The following DBT variants were observed in gnomAD, a reference collection of about 807,000 sequenced individuals.
DBT encodes the protein lipoamide acyltransferase component of branched-chain alpha-keto acid dehydrogenase complex, mitochondrial.
Under a neutral mutation model 51.3 loss-of-function variants are expected in DBT, and 40 were observed. That is an observed-to-expected ratio of 0.78 (90% CI 0.61 to 1.02). DBT has a LOEUF of 1.02. Among genes scored for constraint, DBT ranks in the 50% least tolerant of loss-of-function variants. DBT has a pLI of 0.00. For missense variants in DBT, 510 were observed against 580.2 expected (o/e 0.88, Z 1.24); for synonymous variants, 181 against 190.4 (o/e 0.95, Z 0.41).
intron 3 of DBT, 104 bp from the exon 4 acceptor site, chr1:100,231,018 C>G: frequency 1.3e-6 from 1 of 747,736 alleles, no homozygotes; most frequent in Non-Finnish European, 2.4e-6. Flanking sequence ...TCATCTAGCC[C>G]AGCATTTACT....
intron 4 of DBT, among the ~76,000 whole-genome samples, chr1:100,225,053 A>T (rs1663104510): frequency 1.4e-5 from 1 of 69,218 alleles, no homozygotes; most frequent in African/African-American, 6.9e-5. Flanking sequence ...ATATATATAT[A>T]CACACACACA....
intron 7 of DBT, among the ~76,000 whole-genome samples, chr1:100,214,394 G>A (rs913000875): frequency 1.3e-5 from 2 of 152,088 alleles, no homozygotes; most frequent in South Asian, 2.1e-4. Context: ...CTGATGTTGC[G>A]AAAAGTAATA....
At chr1:100,239,472 G>A (rs1664079896) in intron 2 of DBT, among the ~76,000 whole-genome samples, 2 of 151,896 alleles carry the variant, frequency 1.3e-5, no homozygotes. Context: ...AGTGGAGGAT[G>A]ACATAGAAAA....
chr1:100,238,216 G>A (rs1381035284), intron 2 of DBT, among the ~76,000 whole-genome samples: 3 of 46,954 alleles, frequency 6.4e-5, no homozygotes, highest in East Asian at 2.1e-3. Flanking sequence ...TTCCTCCCTC[G>A]CTTCCTTTCC....
chr1:100,209,728 A>G (rs1023602922), intron 8 of DBT, among the ~76,000 whole-genome samples: 12 of 151,814 alleles, frequency 7.9e-5, no homozygotes, highest in Non-Finnish European at 1.5e-5. Flanking sequence ...CGGCTGGCTA[A>G]TTTTTGTATT....
At chr1:100,244,437 T>C (rs181788069) in intron 1 of DBT, among the ~76,000 whole-genome samples, 2 of 152,300 alleles carry the variant, frequency 1.3e-5, no homozygotes, top group African/African-American at 2.4e-5. Context: ...TAGTGGTTTA[T>C]TGAATAGATT....
Position 100,195,895 on chromosome 1 carries a change from C to A in DBT, c.*360G>T. On this transcript the variant is annotated 3_prime_UTR_variant, in exon 11 of 11. Coordinates refer to ENST00000370132, the MANE Select transcript of DBT (RefSeq NM_001918.5). The stretch of plus-strand genomic sequence containing the variant: ...GGCCAGGCTGGTCTCAAACTTCTAA[C>A]CTCAGGTGATCCGCCCACCTGGGCC... 3.5e-6 allele frequency: 1 copy of A among 285,044 alleles called. No homozygotes were observed. The highest frequency in any genetic ancestry group is 6.8e-6 in the Non-Finnish European group (1 of 147,390). 17.7% of individuals were successfully genotyped at this position (285,044 alleles called of 1,614,324 possible).
rs142589460 is a variant in DBT at position 100,195,866 on chromosome 1, T to C, written c.*389A>G. The C allele has an allele frequency of 2.3e-3, 540 of 236,330 alleles. 4 individuals carry two copies. Among genetic ancestry groups the C allele is most frequent in the African/African-American group, 0.012 (513 of 43,280 alleles). 14.6% of individuals were successfully genotyped at this position (236,330 alleles called of 1,614,324 possible). A position where few individuals can be genotyped will look rare whatever the true frequency, so the allele number is the denominator to read the frequency against. On this transcript the variant is annotated 3_prime_UTR_variant, in exon 11 of 11. Transcript: ENST00000370132. ...TTTTAGTAGAGGCCAGGTTTCACCA[T>C]GTTGGCCAGGCTGGTCTCAAACTTC...
chr1:100,213,646 C>CA (rs1022128503), intron 7 of DBT: 1 of 1,610,564 alleles, frequency 6.2e-7, no homozygotes, highest in Admixed American at 1.7e-5. Context: ...GAAGATGCCC[C>CA]AACTGTGGAG....
In DBT at chr1:100,196,431, G is replaced by GGAAAAAAA. The variant is rs1661099120; in HGVS notation, c.1282-10_1282-9insTTTTTTTC. ...TTAAATCGGGGAATGGCCTAGAAAT[G>GGAAAAAAA]AAAAAAAAAAAAAAAAAAAAAAAAA... On this transcript the variant is annotated splice_polypyrimidine_tract_variant and intron_variant, in intron 10 of 10. Transcript: ENST00000370132. 1.8e-6 allele frequency: 1 copy of GGAAAAAAA among 555,278 alleles called. No individual in the cohort carries two copies. 34.4% of individuals were successfully genotyped at this position (555,278 alleles called of 1,614,324 possible).
intron 1 of DBT, among the ~76,000 whole-genome samples, chr1:100,246,974 A>G (rs570220753): frequency 1.5e-4 from 23 of 152,134 alleles, no homozygotes; most frequent in Non-Finnish European, 2.8e-4. Flanking sequence ...AGCAGAGGAA[A>G]TACATGTGCA....
intron 1 of DBT, among the ~76,000 whole-genome samples, chr1:100,244,349 T>C (rs1220081465): frequency 6.6e-6 from 1 of 152,198 alleles, no homozygotes; most frequent in African/African-American, 2.4e-5. Flanking sequence ...GAGGAAATGG[T>C]TGATGACTAT....
chr1:100,241,294 A>G (rs1233417666), intron 1 of DBT, among the ~76,000 whole-genome samples: 2 of 152,070 alleles, frequency 1.3e-5, no homozygotes, highest in African/African-American at 4.8e-5. Context: ...ATTATTTTAA[A>G]ATCTCTTATA....
At chr1:100,226,346 TTA>T (rs1663209256) in intron 4 of DBT, among the ~76,000 whole-genome samples, 1 of 147,876 alleles carries the variant, frequency 6.8e-6, no homozygotes, top group African/African-American at 2.5e-5. Context: ...TGCAGTGGCA[TTA>T]ACACAGCTCA....
chr1:100,225,052 T>TATATATAC (rs1185819980), intron 4 of DBT, among the ~76,000 whole-genome samples: 31 of 79,042 alleles, frequency 3.9e-4, no homozygotes, highest in African/African-American at 1.5e-3. Context: ...AATATATATA[T>TATATATAC]ACACACACAC....
chr1:100,197,079 T>C (rs573469350), intron 10 of DBT: 5 of 174,444 alleles, frequency 2.9e-5, no homozygotes, highest in Admixed American at 1.1e-4. Context: ...ATTCTAAATA[T>C]ATATCTTTTC....
chr1:100,214,785 C>A (rs756857174), intron 7 of DBT, 32 bp downstream of exon 7: 2 of 1,607,836 alleles, frequency 1.2e-6, no homozygotes, highest in South Asian at 2.2e-5. Flanking sequence ...AAATGTCCTA[C>A]TCAAGCCTTG....
At chr1:100,198,616 A>G (rs1334097669) in intron 10 of DBT, among the ~76,000 whole-genome samples, 2 of 152,254 alleles carry the variant, frequency 1.3e-5, no homozygotes, top group Non-Finnish European at 2.9e-5. Context: ...GCAGGAAGCC[A>G]GAATTTTGTG....
chr1:100,193,457 T>C lies in DBT; in HGVS notation c.*2798A>G, dbSNP rs1045309631. ...AAGAACAGTGTTTTATGCAGTTATT[T>C]AATATCTGTCTCCTTACTAGACTGT... On this transcript the variant is annotated 3_prime_UTR_variant, in exon 11 of 11. Transcript: ENST00000370132. 6.6e-6 allele frequency: 1 copy of C among 152,210 alleles called. No individual in the cohort carries two copies. The highest frequency in any genetic ancestry group is 2.4e-5 in the African/African-American group (1 of 41,440). 9.4% of individuals were successfully genotyped at this position (152,210 alleles called of 1,614,324 possible). A position where few individuals can be genotyped will look rare whatever the true frequency, so the allele number is the denominator to read the frequency against.
Sources: gnomAD v4.1 joint callset for allele counts (sites outside exome capture counted in the v4.1 genomes callset) on GRCh38, gnomAD v4.1.1 for gene constraint, MANE v1.5 for transcripts, NCBI Gene and HGNC (gene_info 2026-07-23, HGNC 2026-07-21) for gene names.